GABRA4: variants seen among roughly 807,000 people sequenced by gnomAD.
The protein encoded by GABRA4 is gamma-aminobutyric acid receptor subunit alpha-4.
GABRA4 carries 12 observed loss-of-function variants against 49.7 expected under a neutral mutation model. The ratio of observed to expected loss-of-function variants is 0.24; its 90% CI spans 0.15 to 0.39. GABRA4 has a LOEUF of 0.39. Ranked by LOEUF, GABRA4 falls within the 10% of genes least tolerant of loss-of-function variation. GABRA4 has a pLI of 1.00. For synonymous variants in GABRA4, 288 were observed against 240.2 expected (o/e 1.20, Z -1.84); for missense variants, 506 against 686.0 (o/e 0.74, Z 2.93).
Position 46,979,147 on chromosome 4 carries a change from C to A in GABRA4, c.206-49G>T, listed in dbSNP as rs767780863. ...TGTGAAAAAATAATTACCAATTTTA[C>A]AGGCTGGGAAGGTTAGATAATTACA... On this transcript the variant is annotated intron_variant, in intron 2 of 8. Transcript: ENST00000264318. 2.6e-6 allele frequency: 3 copies of A among 1,170,680 alleles called. No homozygotes were observed. In the Admixed American group the frequency reaches 5.2e-5, roughly 20 times the overall value. 72.5% of individuals were successfully genotyped at this position (1,170,680 alleles called of 1,614,324 possible). A position where few individuals can be genotyped will look rare whatever the true frequency, so the allele number is the denominator to read the frequency against.
At chr4:46,980,538 A>G (rs553439669) in intron 2 of GABRA4, among the ~76,000 whole-genome samples, 1 of 152,236 alleles carries the variant, frequency 6.6e-6, no homozygotes, top group South Asian at 2.1e-4. Context: ...TTTACTGAAT[A>G]AGTATCCTAA....
chr4:46,973,813 T>G (rs1723040221), intron 6 of GABRA4, among the ~76,000 whole-genome samples: 2 of 151,774 alleles, frequency 1.3e-5, no homozygotes, highest in Non-Finnish European at 2.9e-5. Flanking sequence ...TTTTGTTTAC[T>G]TTCAGAAAAT....
Position 46,955,773 on chromosome 4 carries a change from A to C in GABRA4, c.1134+9197T>G, listed in dbSNP as rs182361091. Among the ~76,000 whole-genome samples, 93 of 152,240 alleles carry C rather than the reference A, an allele frequency of 6.1e-4. 1 individual carries two copies. Among genetic ancestry groups the C allele is most frequent in the Admixed American group, 3.8e-3 (58 of 15,272 alleles). ...AAGGTGGCAGTAAAAATCTGGCAGT[A>C]AGTATACTTGAATACTTGAACAAAC... On this transcript the variant is annotated intron_variant, in intron 8 of 8. Coordinates refer to ENST00000264318, the MANE Select transcript of GABRA4 (RefSeq NM_000809.4).
chr4:46,959,758 C>CAAAAAAAAAAAA (rs67861758), intron 8 of GABRA4, among the ~76,000 whole-genome samples: 1 of 82,690 alleles, frequency 1.2e-5, no homozygotes, highest in Non-Finnish European at 2.2e-5. Context: ...CATCACTTTG[C>CAAAAAAAAAAAA]AAAAAAAAAA....
chr4:46,961,428 T>A (rs1722569216), intron 8 of GABRA4, among the ~76,000 whole-genome samples: 1 of 151,860 alleles, frequency 6.6e-6, no homozygotes, highest in African/African-American at 2.4e-5. Context: ...ACCTGTTTTG[T>A]TATTTATGTT....
intron 8 of GABRA4, among the ~76,000 whole-genome samples, chr4:46,931,636 C>T (rs1469607332): frequency 6.6e-6 from 1 of 152,126 alleles, no homozygotes; most frequent in African/African-American, 2.4e-5. Context: ...CCTAAGCTGG[C>T]TAATGACTTT....
At chr4:46,992,971 G>A (rs1686359821) in intron 1 of GABRA4, 25 bp from the exon 2 acceptor site, 1 of 1,425,442 alleles carries the variant, frequency 7.0e-7, no homozygotes, top group African/African-American at 1.4e-5. Context: ...AAAAAAACCG[G>A]GGGCGGAGGA....
chr4:46,966,813 C>A (rs1183815088), intron 7 of GABRA4, among the ~76,000 whole-genome samples: 1 of 151,750 alleles, frequency 6.6e-6, no homozygotes, highest in East Asian at 1.9e-4. Context: ...TTTGGTTGTA[C>A]TCCCTTTTAA....
At chr4:46,993,235 G>T in intron 1 of GABRA4, 104 bp downstream of exon 1, 1 of 988,294 alleles carries the variant, frequency 1.0e-6, no homozygotes, top group Non-Finnish European at 1.6e-6. Flanking sequence ...GCTGAGATAA[G>T]AAGACCTAGT....
intron 8 of GABRA4, among the ~76,000 whole-genome samples, chr4:46,961,212 C>G (rs954097049): frequency 6.6e-6 from 1 of 151,822 alleles, no homozygotes; most frequent in Non-Finnish European, 1.5e-5. Flanking sequence ...ACACGCCATT[C>G]TTAAAGGGCC....
chr4:46,988,804 T>C (rs1198853905), intron 2 of GABRA4, among the ~76,000 whole-genome samples: 1 of 152,178 alleles, frequency 6.6e-6, no homozygotes, highest in Non-Finnish European at 1.5e-5. Flanking sequence ...AAAGAGTGCC[T>C]CGGAAGTGGA....
chr4:46,941,375 G>A (rs1721783771), intron 8 of GABRA4, among the ~76,000 whole-genome samples: 1 of 151,948 alleles, frequency 6.6e-6, no homozygotes, highest in South Asian at 2.1e-4. Flanking sequence ...AACTTATTTA[G>A]CCTTCCTGTG....
At chr4:46,956,449 A>G (rs918141444) in intron 8 of GABRA4, among the ~76,000 whole-genome samples, 1 of 152,104 alleles carries the variant, frequency 6.6e-6, no homozygotes, top group South Asian at 2.1e-4. Flanking sequence ...GACCTAGTTT[A>G]TATACCCTTT....
At chr4:46,966,935 A>T (rs1306444892) in intron 7 of GABRA4, among the ~76,000 whole-genome samples, 1 of 151,724 alleles carries the variant, frequency 6.6e-6, no homozygotes, top group East Asian at 1.9e-4. Flanking sequence ...TTGTGAATTT[A>T]TTGGGTTTTA....
intron 3 of GABRA4, among the ~76,000 whole-genome samples, chr4:46,978,049 T>C (rs888075442): frequency 2.0e-5 from 3 of 152,090 alleles, no homozygotes; most frequent in Non-Finnish European, 4.4e-5. Flanking sequence ...GTGTAAGAGA[T>C]ATTTTATTTT....
chr4:46,946,175 C>A (rs1163871532), intron 8 of GABRA4, among the ~76,000 whole-genome samples: 1 of 152,152 alleles, frequency 6.6e-6, no homozygotes, highest in Non-Finnish European at 1.5e-5. Flanking sequence ...TGTGACCAGG[C>A]AGTCTCACTG....
At chr4:46,969,995 A>G (rs1380773130) in intron 7 of GABRA4, among the ~76,000 whole-genome samples, 5 of 151,220 alleles carry the variant, frequency 3.3e-5, no homozygotes, top group African/African-American at 4.8e-5. Context: ...TACTTCCAGT[A>G]CTTTTTCTTT....
chr4:46,942,996 A>AATTT (rs1721868708), intron 8 of GABRA4, among the ~76,000 whole-genome samples: 1 of 152,028 alleles, frequency 6.6e-6, no homozygotes, highest in South Asian at 2.1e-4. Flanking sequence ...CCAAACTTTT[A>AATTT]ATTTATTTAT....
intron 8 of GABRA4, among the ~76,000 whole-genome samples, chr4:46,934,594 T>G (rs1721545183): frequency 6.6e-6 from 1 of 152,214 alleles, no homozygotes. Flanking sequence ...AATACTACTT[T>G]CAATATCAGG....
Sources: allele counts gnomAD v4.1 joint callset (sites outside exome capture counted in the v4.1 genomes callset), GRCh38; gene constraint gnomAD v4.1.1; transcripts MANE v1.5; gene names NCBI Gene and HGNC (gene_info 2026-07-23, HGNC 2026-07-21).